PCDH9: variants seen among roughly 807,000 people sequenced by gnomAD.
PCDH9 encodes protocadherin 9.
Under a neutral mutation model 70.6 loss-of-function variants are expected in PCDH9, and 24 were observed. The observed-to-expected ratio is 0.34, with a 90% CI of 0.25 to 0.48. The LOEUF (loss-of-function observed/expected upper bound fraction) is 0.48, where lower values mean the gene tolerates loss of function less well. Among genes scored for constraint, PCDH9 ranks in the 20% least tolerant of loss-of-function variants. The pLI, the probability that PCDH9 is intolerant of heterozygous loss-of-function variation, is 0.99. For missense variants in PCDH9, 1,281 were observed against 1,503.6 expected (o/e 0.85, Z 2.45); for synonymous variants, 562 against 558.5 (o/e 1.01, Z -0.09).
intron 2 of PCDH9, among the ~76,000 whole-genome samples, chr13:67,130,619 CAGAG>C (rs561955131): frequency 1.3e-5 from 2 of 152,100 alleles, no homozygotes; most frequent in Admixed American, 1.3e-4. Flanking sequence ...TCTTGCTGGA[CAGAG>C]GTCCAAGAAA....
chr13:66,549,332 G>A (rs1274888396), intron 4 of PCDH9, among the ~76,000 whole-genome samples: 1 of 151,966 alleles, frequency 6.6e-6, no homozygotes, highest in African/African-American at 2.4e-5. Flanking sequence ...GCTTTATGAT[G>A]GTAGAATTGC....
chr13:66,543,836 T>C (rs1961069805), intron 4 of PCDH9, among the ~76,000 whole-genome samples: 1 of 152,134 alleles, frequency 6.6e-6, no homozygotes, highest in African/African-American at 2.4e-5. Context: ...TAAGCAGAGA[T>C]CATGGAGACT....
At chr13:66,656,974 A>C (rs914992846) in intron 3 of PCDH9, among the ~76,000 whole-genome samples, 1 of 152,210 alleles carries the variant, frequency 6.6e-6, no homozygotes, top group Non-Finnish European at 1.5e-5. Flanking sequence ...TTGCAGCAGA[A>C]GAGCAAGTCA....
chr13:66,857,456 T>C (rs1310958392), intron 3 of PCDH9, among the ~76,000 whole-genome samples: 2 of 152,056 alleles, frequency 1.3e-5, no homozygotes, highest in African/African-American at 4.8e-5. Context: ...GAAAAAAGAA[T>C]CTGAAGAAAC....
At chr13:66,919,481 G>C (rs930263430) in intron 2 of PCDH9, among the ~76,000 whole-genome samples, 1 of 151,104 alleles carries the variant, frequency 6.6e-6, no homozygotes, top group East Asian at 1.9e-4. Flanking sequence ...GTGTCTGACA[G>C]GTAATAGATT....
chr13:66,626,528 A>G (rs767999722), intron 4 of PCDH9, among the ~76,000 whole-genome samples: 7 of 152,146 alleles, frequency 4.6e-5, no homozygotes, highest in Admixed American at 1.3e-4. Context: ...TAAGCAGACC[A>G]ATGACCCAGG....
chr13:66,972,296 T>C (rs924025830), intron 2 of PCDH9, among the ~76,000 whole-genome samples: 3 of 151,972 alleles, frequency 2.0e-5, no homozygotes, highest in African/African-American at 7.2e-5. Context: ...TGTGTTTTTC[T>C]ACCAAATATA....
intron 4 of PCDH9, among the ~76,000 whole-genome samples, chr13:66,406,183 T>C (rs528736838): frequency 6.6e-6 from 1 of 152,278 alleles, no homozygotes; most frequent in East Asian, 1.9e-4. Context: ...AAGCATCAGA[T>C]GAATGCAGGA....
At chr13:66,829,179 G>T (rs923698759) in intron 3 of PCDH9, among the ~76,000 whole-genome samples, 4 of 151,932 alleles carry the variant, frequency 2.6e-5, no homozygotes, top group African/African-American at 9.7e-5. Context: ...CACCATGCCC[G>T]GCTAGTACTG....
intron 2 of PCDH9, among the ~76,000 whole-genome samples, chr13:67,019,412 G>T (rs2084630747): frequency 6.6e-6 from 1 of 151,412 alleles, no homozygotes; most frequent in Non-Finnish European, 1.5e-5. Flanking sequence ...AGCCAGGATG[G>T]TCTCGATCTC....
At chr13:66,369,138 C>T (rs1262830334) in intron 4 of PCDH9, among the ~76,000 whole-genome samples, 2 of 152,090 alleles carry the variant, frequency 1.3e-5, no homozygotes, top group African/African-American at 4.8e-5. Context: ...GAAATGGCTG[C>T]ATCTGCCCTT....
chr13:66,722,123 T>C (rs1017984709), intron 3 of PCDH9, among the ~76,000 whole-genome samples: 1 of 152,200 alleles, frequency 6.6e-6, no homozygotes, highest in Admixed American at 6.5e-5. Context: ...ATCACGGACA[T>C]TTGCCAGTAC....
intron 4 of PCDH9, among the ~76,000 whole-genome samples, chr13:66,390,847 A>G (rs1278946474): frequency 6.6e-6 from 1 of 152,180 alleles, no homozygotes; most frequent in Non-Finnish European, 1.5e-5. Context: ...AACTGCTATC[A>G]TGGAGAATTG....
At chr13:66,627,594 C>T (rs553478771) in intron 4 of PCDH9, among the ~76,000 whole-genome samples, 29 of 152,242 alleles carry the variant, frequency 1.9e-4, no homozygotes, top group African/African-American at 6.5e-4. Flanking sequence ...CAGGGCCTCT[C>T]GCTTCTCCAC....
At chr13:66,781,531 G>A (rs2079998318) in intron 3 of PCDH9, among the ~76,000 whole-genome samples, 1 of 152,140 alleles carries the variant, frequency 6.6e-6, no homozygotes, top group Non-Finnish European at 1.5e-5. Flanking sequence ...GAGTTTATTA[G>A]CTCAGCACTT....
intron 3 of PCDH9, among the ~76,000 whole-genome samples, chr13:66,759,714 A>G (rs2079593223): frequency 6.6e-6 from 1 of 152,050 alleles, no homozygotes; most frequent in African/African-American, 2.4e-5. Flanking sequence ...TATAGCTTAT[A>G]AAAACATTTT....
intron 2 of PCDH9, among the ~76,000 whole-genome samples, chr13:67,192,272 T>G (rs2088937632): frequency 6.6e-6 from 1 of 152,112 alleles, no homozygotes; most frequent in Non-Finnish European, 1.5e-5. Flanking sequence ...CCTACTATAT[T>G]TTTGTGAATA....
At chr13:66,420,111 C>G (rs1957537422) in intron 4 of PCDH9, among the ~76,000 whole-genome samples, 1 of 152,166 alleles carries the variant, frequency 6.6e-6, no homozygotes, top group Non-Finnish European at 1.5e-5. Context: ...TGTAAGCAGA[C>G]TGCCTCTCTA....
intron 2 of PCDH9, chr13:67,213,608 A>G (rs1482491529): frequency 2.0e-5 from 3 of 152,110 alleles, no homozygotes; most frequent in East Asian, 1.9e-4. Context: ...TGGTATCCCA[A>G]TGCTATAAAA....
Sources: gnomAD v4.1 joint callset for allele counts (sites outside exome capture counted in the v4.1 genomes callset) on GRCh38, gnomAD v4.1.1 for gene constraint, MANE v1.5 for transcripts, NCBI Gene and HGNC (gene_info 2026-07-23, HGNC 2026-07-21) for gene names.